The following SPAST variants were observed in gnomAD, a reference collection of about 807,000 sequenced individuals.
SPAST encodes spastic paraplegia 4 (autosomal dominant; spastin).
SPAST carries 30 observed loss-of-function variants against 76.6 expected under a neutral mutation model. That is an observed-to-expected ratio of 0.39 (90% CI 0.29 to 0.53). The LOEUF is 0.53. SPAST is among the 20% of genes least tolerant of loss of function. The pLI is 0.68. For missense variants in SPAST, 717 were observed against 770.5 expected (o/e 0.93, Z 0.82); for synonymous variants, 305 against 281.0 (o/e 1.09, Z -0.86).
At chr2:32,098,460 C>A (rs1004949919) in intron 3 of SPAST, among the ~76,000 whole-genome samples, 2 of 152,032 alleles carry the variant, frequency 1.3e-5, no homozygotes, top group African/African-American at 4.8e-5. Context: ...AGACCAAGAC[C>A]GATAATTATC....
chr2:32,136,893 T>C lies in SPAST; in HGVS notation c.1338T>C (p.Leu446=). The change falls in exon 11 of 17, where the codon CTT becomes CTC. Residue 446 remains leucine, a synonymous_variant. Coordinates refer to ENST00000315285, the MANE Select transcript of SPAST (RefSeq NM_014946.4). ...TTCCTCTAGATGAAGTTGATAGCCT[T>C]TTGTGTGAAAGAAGAGAAGGGGAGC... ...SIIFIDEVDS[L]LCERREGEHD... 2 of 1,613,576 alleles carry C rather than the reference T, an allele frequency of 1.2e-6. No individual in the cohort carries two copies. Among genetic ancestry groups the C allele is most frequent in the Non-Finnish European group, 1.7e-6 (2 of 1,179,566 alleles).
chr2:32,064,152 G>A lies in SPAST; in HGVS notation c.321G>A (p.Pro107=), dbSNP rs765400114. 3.9e-6 allele frequency: 6 copies of A among 1,556,382 alleles called. No individual in the cohort carries two copies. The highest frequency in any genetic ancestry group is 5.2e-6 in the Non-Finnish European group (6 of 1,150,874). ...PAPASASAPA[P]VPGGEAERVR... Reference sequence around the variant, plus strand: ...CTGCCTCGGCCTCGGCCCCGGCGCCGGTGCCGGGCGGCGAGGCCGAGCGCG... The same window carrying A: ...CTGCCTCGGCCTCGGCCCCGGCGCCAGTGCCGGGCGGCGAGGCCGAGCGCG... The change falls in exon 1 of 17, where the codon CCG becomes CCA. Residue 107 remains proline, a synonymous_variant. Transcript: ENST00000315285.
intron 1 of SPAST, among the ~76,000 whole-genome samples, chr2:32,081,226 G>C (rs527921709): frequency 8.3e-4 from 126 of 152,136 alleles, no homozygotes; most frequent in Middle Eastern, 3.4e-3. Flanking sequence ...CAAAGTGCTG[G>C]GATTACAGGC....
At chr2:32,138,028 G>A (rs757184033) in intron 12 of SPAST, among the ~76,000 whole-genome samples, 3 of 152,086 alleles carry the variant, frequency 2.0e-5, no homozygotes, top group Non-Finnish European at 2.9e-5. Context: ...AGTATTCCAT[G>A]GTGTGTACGT....
Position 32,087,496 on chromosome 2 carries a change from A to G in SPAST, c.420A>G (p.Gly140=). 1 of 1,597,762 alleles carries G rather than the reference A, an allele frequency of 6.3e-7. No homozygotes were observed. The highest frequency in any genetic ancestry group is 1.1e-5 in the South Asian group (1 of 90,724). Residue 140 remains glycine, a synonymous_variant, in exon 2 of 17, where the codon GGA becomes GGG. Coordinates refer to ENST00000315285, the MANE Select transcript of SPAST (RefSeq NM_014946.4). ...AAATAATTTTTTATTTTAAAGCAGG[A>G]CAGAAGGAGCAAGCTGTGGAATGGT... ...ALRIDEDEKA[G]QKEQAVEWYK...
At chr2:32,140,162 C>G (rs773150109) in intron 12 of SPAST, among the ~76,000 whole-genome samples, 1 of 151,672 alleles carries the variant, frequency 6.6e-6, no homozygotes. Flanking sequence ...TTGTTTTGTT[C>G]TGTTTTCCCA....
At chr2:32,064,277 GCGCCGGGAAGAAGGCGGTGGGGT>G in intron 1 of SPAST, 31 bp downstream of exon 1, 1 of 1,390,376 alleles carries the variant, frequency 7.2e-7, no homozygotes, top group African/African-American at 1.5e-5. Context: ...GGGGGCGGCG[GCGCCGGGAAGAAGGCGGTGGGGT>G]CGCCGGGGGA....
At chr2:32,113,717 C>G (rs573422144) in intron 4 of SPAST, among the ~76,000 whole-genome samples, 33 of 150,792 alleles carry the variant, frequency 2.2e-4, no homozygotes, top group African/African-American at 7.5e-4. Context: ...AGGCCCCCAC[C>G]ACCACGTCTG....
rs554628608 is a variant in SPAST, at chr2:32,111,366, GTATA to G, written c.683-3267_683-3264del. Reference sequence around the variant, plus strand: ...CAGTATACTGTATAGTGTGTATAGCGTATATATAGTATACTGTATAGCGTATAGA... The same window carrying G: ...CAGTATACTGTATAGTGTGTATAGCGTATAGTATACTGTATAGCGTATAGA... On this transcript the variant is annotated intron_variant, in intron 4 of 16. Transcript: ENST00000315285. Among the ~76,000 whole-genome samples, 60 of 144,326 alleles carry G rather than the reference GTATA, an allele frequency of 4.2e-4. 1 individual carries two copies. The highest frequency in any genetic ancestry group is 1.3e-3 in the African/African-American group (50 of 38,736). The allele number at this position is 144,326 out of a possible 152,430, so 94.7% of individuals were successfully genotyped here.
intron 9 of SPAST, among the ~76,000 whole-genome samples, chr2:32,133,198 A>G (rs1296218857): frequency 6.6e-6 from 1 of 152,244 alleles, no homozygotes; most frequent in Non-Finnish European, 1.5e-5. Flanking sequence ...AAAATCAGTT[A>G]CATATGTATC....
At position 32,104,576 on chromosome 2, in the gene SPAST, G is replaced by C. The variant is rs143941418; in HGVS notation, c.682+5685G>C. 9.6e-3 allele frequency among the ~76,000 whole-genome samples: 1,459 copies of C among 152,246 alleles called. 28 individuals are homozygous for C. The highest frequency in any genetic ancestry group is 0.05 in the South Asian group (241 of 4,822). On this transcript the variant is annotated intron_variant, in intron 4 of 16. Coordinates refer to ENST00000315285, the MANE Select transcript of SPAST (RefSeq NM_014946.4). ...GGTCTTTACAATTTGGCATGTTTTT[G>C]CAGTGGCTTGTACCGGTTGTTCATT...
At chr2:32,102,467 C>G (rs1427579181) in intron 4 of SPAST, among the ~76,000 whole-genome samples, 1 of 152,174 alleles carries the variant, frequency 6.6e-6, no homozygotes, top group Non-Finnish European at 1.5e-5. Context: ...TTATTTCTTT[C>G]TCCTGCCTGA....
chr2:32,142,811 G>A (rs928816125), intron 13 of SPAST, among the ~76,000 whole-genome samples: 1 of 152,128 alleles, frequency 6.6e-6, no homozygotes, highest in Non-Finnish European at 1.5e-5. Context: ...TCTAAAACTG[G>A]ATTGTGGTGA....
chr2:32,075,425 CAAAAAAAAA>C (rs70938315), intron 1 of SPAST, among the ~76,000 whole-genome samples: 1 of 65,606 alleles, frequency 1.5e-5, no homozygotes. Flanking sequence ...GACTCTGTCT[CAAAAAAAAA>C]AAAAAAAAAA....
At chr2:32,081,223 C>T (rs2148703209) in intron 1 of SPAST, among the ~76,000 whole-genome samples, 1 of 152,232 alleles carries the variant, frequency 6.6e-6, no homozygotes, top group East Asian at 1.9e-4. Context: ...TCCCAAAGTG[C>T]TGGGATTACA....
At position 32,128,393 on chromosome 2, in the gene SPAST, T is replaced by C. The variant is rs746765188; in HGVS notation, c.1174-15T>C. ...TATTGAACTAATTTAATATTTGCTC[T>C]TGTGATTTTTAAAGGCTAAAGCAGT... is the stretch of plus-strand genomic sequence containing the variant. On this transcript the variant is annotated splice_polypyrimidine_tract_variant and intron_variant, in intron 8 of 16. Transcript: ENST00000315285. 3.2e-6 allele frequency: 5 copies of C among 1,572,050 alleles called. No homozygotes were observed. The highest frequency in any genetic ancestry group is 1.1e-5 in the South Asian group (1 of 90,222).
At chr2:32,114,594 G>C (rs770841090) in intron 4 of SPAST, 44 bp from the exon 5 acceptor site, 2 of 1,485,486 alleles carry the variant, frequency 1.3e-6, no homozygotes, top group African/African-American at 2.8e-5. Flanking sequence ...TTTATGTTCA[G>C]CTACAATTTT....
chr2:32,116,619 A>G (rs2148734991), intron 7 of SPAST, among the ~76,000 whole-genome samples: 1 of 152,260 alleles, frequency 6.6e-6, no homozygotes. Context: ...GGCATGTGCC[A>G]CTATGCCCAG....
At chr2:32,068,124 G>A (rs1453666974) in intron 1 of SPAST, among the ~76,000 whole-genome samples, 2 of 147,212 alleles carry the variant, frequency 1.4e-5, no homozygotes, top group Admixed American at 6.8e-5. Context: ...GACTACAGGC[G>A]CCCGCCACCA....
Sources: allele counts gnomAD v4.1 joint callset (sites outside exome capture counted in the v4.1 genomes callset), GRCh38; gene constraint gnomAD v4.1.1; transcripts MANE v1.5; gene names NCBI Gene and HGNC (gene_info 2026-07-23, HGNC 2026-07-21).